The following FHIT variants were observed in gnomAD, a reference collection of about 807,000 sequenced individuals.
FHIT encodes the protein fragile histidine triad diadenosine triphosphatase.
Under a neutral mutation model 17.9 loss-of-function variants are expected in FHIT, and 19 were observed. The observed-to-expected ratio is 1.06, with a 90% CI of 0.74 to 1.56. The LOEUF is 1.56. Ranked by LOEUF, FHIT falls within the 40% of genes most tolerant of loss-of-function variation. The probability of loss-of-function intolerance (pLI) is 0.00; values close to 1 mark genes in which losing one functional copy is unlikely to be tolerated. For missense variants in FHIT, 248 were observed against 189.2 expected (o/e 1.31, Z -1.82); for synonymous variants, 81 against 69.7 (o/e 1.16, Z -0.81).
chr3:59,830,661 C>T (rs987128167), intron 8 of FHIT, among the ~76,000 whole-genome samples: 12 of 152,234 alleles, frequency 7.9e-5, no homozygotes, highest in Admixed American at 6.5e-4. Flanking sequence ...AATGCAATAT[C>T]ATAATTCTGC....
chr3:60,119,296 C>A (rs1463072100), intron 5 of FHIT, among the ~76,000 whole-genome samples: 1 of 152,054 alleles, frequency 6.6e-6, no homozygotes, highest in Admixed American at 6.5e-5. Flanking sequence ...TGGTCTCGAA[C>A]TCCTGACCTC....
chr3:61,195,940 TTTATA>T (rs2038841124), intron 2 of FHIT, among the ~76,000 whole-genome samples: 1 of 152,140 alleles, frequency 6.6e-6, no homozygotes, highest in African/African-American at 2.4e-5. Context: ...GACAAAAAAT[TTTATA>T]TTAAAGAAAA....
intron 8 of FHIT, among the ~76,000 whole-genome samples, chr3:59,787,216 G>A (rs1044759566): frequency 6.6e-6 from 1 of 152,134 alleles, no homozygotes; most frequent in African/African-American, 2.4e-5. Context: ...CAGATAATAA[G>A]TGACCAAGCC....
At chr3:60,643,028 G>C (rs897915245) in intron 4 of FHIT, among the ~76,000 whole-genome samples, 22 of 152,230 alleles carry the variant, frequency 1.4e-4, no homozygotes, top group East Asian at 1.4e-3. Flanking sequence ...TATCTCCCCA[G>C]CTGAACTGGT....
chr3:60,456,919 T>A (rs552390937), intron 5 of FHIT, among the ~76,000 whole-genome samples: 1 of 151,928 alleles, frequency 6.6e-6, no homozygotes. Context: ...CACTGCTCAA[T>A]GAAATAAAAG....
intron 4 of FHIT, among the ~76,000 whole-genome samples, chr3:60,794,112 C>T (rs1700888830): frequency 6.6e-6 from 1 of 151,944 alleles, no homozygotes; most frequent in African/African-American, 2.4e-5. Flanking sequence ...TCACCTAGTC[C>T]TTCTTTCCAA....
intron 1 of FHIT, among the ~76,000 whole-genome samples, chr3:61,247,919 C>G (rs897520937): frequency 6.6e-6 from 1 of 152,178 alleles, no homozygotes; most frequent in Non-Finnish European, 1.5e-5. Flanking sequence ...AAACCAAGGG[C>G]TAAGTAACCT....
intron 2 of FHIT, among the ~76,000 whole-genome samples, chr3:61,054,194 T>C (rs1465270817): frequency 6.6e-6 from 1 of 152,208 alleles, no homozygotes; most frequent in African/African-American, 2.4e-5. Context: ...TTACAGATTA[T>C]GCAGTGGATT....
intron 8 of FHIT, among the ~76,000 whole-genome samples, chr3:59,828,064 CCA>C (rs1701036025): frequency 6.6e-6 from 1 of 152,120 alleles, no homozygotes; most frequent in African/African-American, 2.4e-5. Context: ...AAATGAAAAG[CCA>C]CATTTTGGCA....
chr3:59,861,160 G>A (rs767409918), intron 8 of FHIT, among the ~76,000 whole-genome samples: 34 of 152,006 alleles, frequency 2.2e-4, no homozygotes, highest in Non-Finnish European at 4.1e-4. Context: ...CATGGGTGGT[G>A]GTATATAGGG....
In FHIT at chr3:59,979,109, G is replaced by C. The variant is rs142446131; in HGVS notation, c.279+32262C>G. Among the ~76,000 whole-genome samples, 1,164 of 152,240 alleles carry C rather than the reference G, an allele frequency of 7.6e-3. 9 individuals carry two copies. The highest frequency in any genetic ancestry group is 0.026 in the African/African-American group (1,072 of 41,542). On this transcript the variant is annotated intron_variant, in intron 7 of 9. Transcript: ENST00000492590. ...GTTGGTTTCCTATTGAACATCTGAA[G>C]ACTGTTTTAACATGTGTGCCTAAAA...
At chr3:61,044,790 GAA>G (rs2033702225) in intron 2 of FHIT, among the ~76,000 whole-genome samples, 1 of 152,208 alleles carries the variant, frequency 6.6e-6, no homozygotes, top group Non-Finnish European at 1.5e-5. Flanking sequence ...TCTCTCAGCA[GAA>G]ACTCTAGAAG....
chr3:60,693,750 G>A (rs1362134108), intron 4 of FHIT, among the ~76,000 whole-genome samples: 1 of 152,130 alleles, frequency 6.6e-6, no homozygotes, highest in Admixed American at 6.5e-5. Flanking sequence ...GTACACTATA[G>A]TTTAGTGAAT....
chr3:61,242,623 G>A (rs543237377), intron 1 of FHIT, among the ~76,000 whole-genome samples: 4 of 152,300 alleles, frequency 2.6e-5, no homozygotes, highest in African/African-American at 9.6e-5. Flanking sequence ...AGAGCCGGCT[G>A]AACAGGAGAC....
chr3:61,216,038 C>T (rs1324337585), intron 1 of FHIT, among the ~76,000 whole-genome samples: 1 of 152,080 alleles, frequency 6.6e-6, no homozygotes, highest in East Asian at 1.9e-4. Flanking sequence ...ACCATAAAAA[C>T]CCTAGAAGAA....
intron 5 of FHIT, among the ~76,000 whole-genome samples, chr3:60,524,247 CAAAT>C (rs1333631240): frequency 8.8e-6 from 1 of 113,462 alleles, no homozygotes; most frequent in African/African-American, 3.4e-5. Context: ...CACACACACA[CAAAT>C]AAATTATATA....
intron 5 of FHIT, among the ~76,000 whole-genome samples, chr3:60,500,266 A>C (rs1431339127): frequency 6.6e-6 from 1 of 152,224 alleles, no homozygotes; most frequent in Non-Finnish European, 1.5e-5. Flanking sequence ...AACAGAGACC[A>C]CATGGCCCAG....
At chr3:60,225,791 A>G (rs1704170367) in intron 5 of FHIT, among the ~76,000 whole-genome samples, 1 of 152,162 alleles carries the variant, frequency 6.6e-6, no homozygotes, top group Non-Finnish European at 1.5e-5. Context: ...GAGCAAATAG[A>G]TGACCTCAGG....
At chr3:59,992,684 T>C (rs1411060695) in intron 7 of FHIT, among the ~76,000 whole-genome samples, 1 of 152,098 alleles carries the variant, frequency 6.6e-6, no homozygotes, top group Non-Finnish European at 1.5e-5. Context: ...CTTAATTTTC[T>C]TGGTTTCAAT....
Sources: allele counts gnomAD v4.1 joint callset (sites outside exome capture counted in the v4.1 genomes callset), GRCh38; gene constraint gnomAD v4.1.1; transcripts MANE v1.5; gene names NCBI Gene and HGNC (gene_info 2026-07-23, HGNC 2026-07-21).